The following C3orf18 variants were observed in gnomAD, a reference collection of about 807,000 sequenced individuals.
The protein encoded by C3orf18 is chromosome 3 open reading frame 18.
In C3orf18, 12 loss-of-function variants were observed where a neutral mutation model predicts 14.1. The ratio of observed to expected loss-of-function variants is 0.85; its 90% CI spans 0.55 to 1.38. The LOEUF (loss-of-function observed/expected upper bound fraction) is 1.38. Among genes scored for constraint, C3orf18 ranks in the 40% most tolerant of loss-of-function variants. The probability of loss-of-function intolerance (pLI) is 0.00; values close to 1 mark genes in which losing one functional copy is unlikely to be tolerated. For missense variants in C3orf18, 196 were observed against 213.9 expected (o/e 0.92, Z 0.52); for synonymous variants, 82 against 87.9 (o/e 0.93, Z 0.38).
In C3orf18 at chr3:50,558,532, A is replaced by T. The variant is rs546315233; in HGVS notation, c.*1125T>A. ...ATGGAGGTGGGGAATTCAAACATAG[A>T]CTAAGTTTTTTAGATGTTTTTCTGA... On this transcript the variant is annotated 3_prime_UTR_variant, in exon 6 of 6. Coordinates refer to ENST00000357203, the MANE Select transcript of C3orf18 (RefSeq NM_016210.5). 2 of 423,938 alleles carry T rather than the reference A, an allele frequency of 4.7e-6. No homozygotes were observed. The highest frequency in any genetic ancestry group is 7.3e-5 in the East Asian group (1 of 13,642). 26.3% of individuals were successfully genotyped at this position (423,938 alleles called of 1,614,324 possible).
At chr3:50,573,231 C>G (rs1039547930), upstream of C3orf18, among the ~76,000 whole-genome samples, 1 of 152,190 alleles carries the variant, frequency 6.6e-6, no homozygotes, top group African/African-American at 2.4e-5. Context: ...ATGGGGGCAG[C>G]ACGTGGACTT....
Position 50,565,416 on chromosome 3 carries a change from C to T in C3orf18, c.234+50G>A. ...ATTGTCTTCTGATTGATTAGGTTCT[C>T]TATAAATCTAAACACTGATTATCCT... On this transcript the variant is annotated intron_variant, in intron 3 of 5. Coordinates refer to ENST00000357203, the MANE Select transcript of C3orf18 (RefSeq NM_016210.5). The surrounding 1 kb of genome is among the most constrained non-coding windows in gnomAD (Gnocchi z 4.4). The T allele has an allele frequency of 7.4e-7, 1 of 1,345,482 alleles. No individual in the cohort carries two copies. The highest frequency in any genetic ancestry group is 2.4e-5 in the East Asian group (1 of 41,960). The allele number at this position is 1,345,482 out of a possible 1,614,324, so 83.3% of individuals were successfully genotyped here. A position where few individuals can be genotyped will look rare whatever the true frequency, so the allele number is the denominator to read the frequency against.
At chr3:50,561,883 TC>T (rs1699994846) in intron 3 of C3orf18, 136 bp from the exon 4 acceptor site, 1 of 767,752 alleles carries the variant, frequency 1.3e-6, no homozygotes, top group South Asian at 1.5e-5. Flanking sequence ...CATACACCAC[TC>T]CCCCTTCACC....
At position 50,565,993 on chromosome 3, in the gene C3orf18, T is replaced by G. The variant is rs1412735287; in HGVS notation, c.-163+13A>C. The G allele has an allele frequency of 2.4e-6, 1 of 420,984 alleles. No individual in the cohort carries two copies. Among genetic ancestry groups the G allele is most frequent in the Non-Finnish European group, 4.3e-6 (1 of 231,598 alleles). 26.1% of individuals were successfully genotyped at this position (420,984 alleles called of 1,614,324 possible). ...AGAATGAGGGTAAGTTCAGGAGACA[T>G]TAGGACACATACTTTACGTATCTAC... On this transcript the variant is annotated intron_variant, in intron 2 of 5. Transcript: ENST00000357203. This position sits in a 1 kb window ranked among gnomAD's most constrained non-coding sequence, Gnocchi z 4.4.
rs768358230 is a variant in C3orf18 at position 50,559,480 on chromosome 3, C to A, written c.*177G>T. The A allele has an allele frequency of 4.2e-6, 6 of 1,424,858 alleles. No individual in the cohort carries two copies. The highest frequency in any genetic ancestry group is 5.5e-6 in the Non-Finnish European group (6 of 1,088,364). The allele number at this position is 1,424,858 out of a possible 1,614,324, so 88.3% of individuals were successfully genotyped here. A position where few individuals can be genotyped will look rare whatever the true frequency, so the allele number is the denominator to read the frequency against. On this transcript the variant is annotated 3_prime_UTR_variant, in exon 6 of 6. Coordinates refer to ENST00000357203, the MANE Select transcript of C3orf18 (RefSeq NM_016210.5). Reference sequence around the variant, plus strand: ...GGTCAGAAGTCCAGCCTGGCTAGGGCCCTCTCTTAGAGTCTAAAGTCAGCA... The same window carrying A: ...GGTCAGAAGTCCAGCCTGGCTAGGGACCTCTCTTAGAGTCTAAAGTCAGCA...
upstream of C3orf18, chr3:50,571,878 A>T (rs1355826951): frequency 7.1e-7 from 1 of 1,416,248 alleles, no homozygotes; most frequent in Admixed American, 1.7e-5. Flanking sequence ...CACCAAGTTC[A>T]GGGAGGAGGA....
At position 50,558,856 on chromosome 3, in the gene C3orf18, T is replaced by A; in HGVS notation, c.*801A>T. The A allele has an allele frequency of 7.8e-7, 1 of 1,289,838 alleles. No homozygotes were observed. The highest frequency in any genetic ancestry group is 1.0e-6 in the Non-Finnish European group (1 of 988,858). The allele number at this position is 1,289,838 out of a possible 1,614,324, so 79.9% of individuals were successfully genotyped here. On this transcript the variant is annotated 3_prime_UTR_variant, in exon 6 of 6. Coordinates refer to ENST00000357203, the MANE Select transcript of C3orf18 (RefSeq NM_016210.5). ...AGGTCGACTTGGAGGGTGGGGCCAG[T>A]GTGGACAATCTCATTCTGCCCGCTG...
At position 50,565,739 on chromosome 3, in the gene C3orf18, GC is replaced by G; in HGVS notation, c.-41del. The G allele has an allele frequency of 6.6e-7, 1 of 1,509,264 alleles. No homozygotes were observed. The highest frequency in any genetic ancestry group is 9.0e-7 in the Non-Finnish European group (1 of 1,106,038). 93.5% of individuals were successfully genotyped at this position (1,509,264 alleles called of 1,614,324 possible). On this transcript the variant is annotated 5_prime_UTR_variant, in exon 3 of 6. Transcript: ENST00000357203. The surrounding 1 kb of genome is among the most constrained non-coding windows in gnomAD (Gnocchi z 4.4). ...GGCCCTGGCTGAGAGGCTGCCTGAT[GC>G]CAGTCAACCTGCCCACTCACTCCTG...
rs759552916 is a variant in C3orf18 at position 50,565,732 on chromosome 3, G to T, written c.-33C>A. ...CGGAGAGGGCCCTGGCTGAGAGGCTGCCTGATGCCAGTCAACCTGCCCACT... is the reference window on the plus strand; with the variant it reads ...CGGAGAGGGCCCTGGCTGAGAGGCTTCCTGATGCCAGTCAACCTGCCCACT... On this transcript the variant is annotated 5_prime_UTR_variant, in exon 3 of 6. Transcript: ENST00000357203. This position sits in a 1 kb window ranked among gnomAD's most constrained non-coding sequence, Gnocchi z 4.4. The T allele has an allele frequency of 6.5e-7, 1 of 1,533,126 alleles. No homozygotes were observed. Among genetic ancestry groups the T allele is most frequent in the African/African-American group, 1.4e-5 (1 of 73,598 alleles). 95.0% of individuals were successfully genotyped at this position (1,533,126 alleles called of 1,614,324 possible). A position where few individuals can be genotyped will look rare whatever the true frequency, so the allele number is the denominator to read the frequency against.
upstream of C3orf18, chr3:50,569,320 T>A (rs1700613631): frequency 6.6e-6 from 1 of 152,308 alleles, no homozygotes; most frequent in South Asian, 2.1e-4. Flanking sequence ...CGCACTTTCC[T>A]GTATGCAGGC....
upstream of C3orf18, among the ~76,000 whole-genome samples, chr3:50,574,414 G>A (rs1701351316): frequency 6.6e-6 from 1 of 152,226 alleles, no homozygotes; most frequent in Non-Finnish European, 1.5e-5. Context: ...GAGGCCACTA[G>A]TGGTGGCAGG....
Position 50,559,370 on chromosome 3 carries a change from G to A in C3orf18, c.*287C>T. 1 of 1,326,472 alleles carries A rather than the reference G, an allele frequency of 7.5e-7. No homozygotes were observed. The highest frequency in any genetic ancestry group is 9.7e-7 in the Non-Finnish European group (1 of 1,031,602). 82.2% of individuals were successfully genotyped at this position (1,326,472 alleles called of 1,614,324 possible). ...CCTGATGTGAGGGATCTGGACAGGG[G>A]ATGAGGAAGCCAGCAGAGGCTCTTG... On this transcript the variant is annotated 3_prime_UTR_variant, in exon 6 of 6. Transcript: ENST00000357203.
upstream of C3orf18, chr3:50,571,792 G>C (rs1282252128): frequency 6.2e-7 from 1 of 1,613,918 alleles, no homozygotes; most frequent in South Asian, 1.1e-5. Flanking sequence ...AGTAGCCGTC[G>C]ATTGCAGAGG....
upstream of C3orf18, chr3:50,571,299 G>C: frequency 1.2e-6 from 2 of 1,608,660 alleles, no homozygotes; most frequent in Non-Finnish European, 8.5e-7. Context: ...AATCCAGTGA[G>C]TACATCGTGG....
chr3:50,571,555 G>C (rs1486403601), upstream of C3orf18: 14 of 773,336 alleles, frequency 1.8e-5, no homozygotes, highest in Admixed American at 2.9e-4. Flanking sequence ...GGTGTTAGCT[G>C]TGTAACCTTA....
upstream of C3orf18, chr3:50,569,989 C>G (rs1204235270): frequency 2.0e-5 from 3 of 152,192 alleles, no homozygotes; most frequent in African/African-American, 7.2e-5. Context: ...TACAGGTGCG[C>G]GTCAGTATGC....
At position 50,565,770 on chromosome 3, in the gene C3orf18, C is replaced by T. The variant is rs909011573; in HGVS notation, c.-71G>A. On this transcript the variant is annotated 5_prime_UTR_variant, in exon 3 of 6. Transcript: ENST00000357203. This position sits in a 1 kb window ranked among gnomAD's most constrained non-coding sequence, Gnocchi z 4.4. ...CAACCTGCCCACTCACTCCTGACTC[C>T]GGAGTGCCCCAGCCTGTGGTTCCTG... 3.5e-5 allele frequency: 43 copies of T among 1,222,190 alleles called. No individual in the cohort carries two copies. Among genetic ancestry groups the T allele is most frequent in the Admixed American group, 8.1e-5 (4 of 49,572 alleles). 75.7% of individuals were successfully genotyped at this position (1,222,190 alleles called of 1,614,324 possible).
rs533657959 is a variant in C3orf18 at position 50,560,774 on chromosome 3, A to G, written c.408+143T>C. 37 of 941,968 alleles carry G rather than the reference A, an allele frequency of 3.9e-5. No homozygotes were observed. In the African/African-American group the frequency reaches 4.9e-4, roughly 12 times the overall value. 58.4% of individuals were successfully genotyped at this position (941,968 alleles called of 1,614,324 possible). A position where few individuals can be genotyped will look rare whatever the true frequency, so the allele number is the denominator to read the frequency against. ...CCAGAGCAATATGACCACTTTCTGA[A>G]CAAATCTGGAAAAAGCCGTATACCC... On this transcript the variant is annotated intron_variant, in intron 5 of 5. Transcript: ENST00000357203.
At chr3:50,564,823 T>A (rs982584968) in intron 3 of C3orf18, among the ~76,000 whole-genome samples, 1 of 152,200 alleles carries the variant, frequency 6.6e-6, no homozygotes, top group Non-Finnish European at 1.5e-5. Flanking sequence ...TTTTCTTCTA[T>A]TGCAACCCCA....
Sources: gnomAD v4.1 joint callset for allele counts (sites outside exome capture counted in the v4.1 genomes callset) on GRCh38, gnomAD v4.1.1 for gene constraint, Gnocchi (gnomAD v3.1) non-coding constraint, MANE v1.5 for transcripts, NCBI Gene and HGNC (gene_info 2026-07-23, HGNC 2026-07-21) for gene names.